The following TRHR variants were observed in gnomAD, a reference collection of about 807,000 sequenced individuals.
TRHR encodes thyrotropin releasing hormone receptor.
In TRHR, 14 loss-of-function variants were observed where a neutral mutation model predicts 28.0. The ratio of observed to expected loss-of-function variants is 0.50; its 90% CI spans 0.33 to 0.78. TRHR has a LOEUF of 0.78. TRHR is among the 30% of genes least tolerant of loss of function. TRHR has a pLI of 0.02. For synonymous variants in TRHR, 176 were observed against 171.9 expected, an observed-to-expected ratio of 1.02 and a Z score of -0.18; for missense variants, 438 against 469.5, an observed-to-expected ratio of 0.93 and a Z score of 0.62.
intron 2 of TRHR, among the ~76,000 whole-genome samples, chr8:109,103,807 A>G (rs996946820): frequency 6.6e-6 from 1 of 152,156 alleles, no homozygotes; most frequent in African/African-American, 2.4e-5. Context: ...TCAATCGGGA[A>G]AGGTTATTAA....
chr8:109,105,367 G>T (rs1811734312), intron 2 of TRHR, among the ~76,000 whole-genome samples: 1 of 152,088 alleles, frequency 6.6e-6, no homozygotes, highest in African/African-American at 2.4e-5. Context: ...GGCTATATCT[G>T]CCCAAGAAAA....
At chr8:109,104,694 C>A (rs1439506484) in intron 2 of TRHR, among the ~76,000 whole-genome samples, 2 of 152,076 alleles carry the variant, frequency 1.3e-5, no homozygotes, top group Admixed American at 6.6e-5. Context: ...AAAGATGAGG[C>A]AACATTGCAG....
intron 2 of TRHR, among the ~76,000 whole-genome samples, chr8:109,099,982 A>C (rs565749246): frequency 4.1e-4 from 63 of 152,262 alleles, no homozygotes; most frequent in Admixed American, 9.8e-4. Flanking sequence ...CACAATTGTG[A>C]GAGTGAGAGA....
chr8:109,109,395 C>G (rs1811795754), intron 2 of TRHR, among the ~76,000 whole-genome samples: 1 of 151,626 alleles, frequency 6.6e-6, no homozygotes, highest in Non-Finnish European at 1.5e-5. Flanking sequence ...CAGTCTTATC[C>G]TCTCTAAAAT....
At chr8:109,105,505 C>G (rs1191944920) in intron 2 of TRHR, among the ~76,000 whole-genome samples, 3 of 152,068 alleles carry the variant, frequency 2.0e-5, no homozygotes, top group Non-Finnish European at 4.4e-5. Context: ...CAGCAATGAA[C>G]AAATATGACA....
At chr8:109,094,961 C>T (rs1459721675) in intron 2 of TRHR, among the ~76,000 whole-genome samples, 1 of 151,466 alleles carries the variant, frequency 6.6e-6, no homozygotes, top group Admixed American at 6.6e-5. Context: ...AAGTTCCAGA[C>T]AGATGAAGTC....
intron 2 of TRHR, among the ~76,000 whole-genome samples, chr8:109,092,418 ATT>A (rs1171457925): frequency 1.3e-5 from 2 of 150,232 alleles, no homozygotes; most frequent in African/African-American, 2.4e-5. Context: ...TTATTTATTT[ATT>A]TATTTTTATT....
chr8:109,107,954 A>G (rs1221209866), intron 2 of TRHR, among the ~76,000 whole-genome samples: 2 of 152,186 alleles, frequency 1.3e-5, no homozygotes, highest in East Asian at 3.9e-4. Context: ...TCAGAAAGCT[A>G]AAATCAGTGG....
At chr8:109,116,203 C>G (rs925262119) in intron 2 of TRHR, among the ~76,000 whole-genome samples, 4 of 152,110 alleles carry the variant, frequency 2.6e-5, no homozygotes, top group African/African-American at 9.7e-5. Context: ...ATTCGGTTTG[C>G]CAGTATTTTA....
chr8:109,088,269 T>A lies in TRHR; in HGVS notation c.757T>A (p.Cys253Ser). The A allele has an allele frequency of 6.2e-7, 1 of 1,613,988 alleles. No homozygotes were observed. Among genetic ancestry groups the A allele is most frequent in the Non-Finnish European group, 8.5e-7 (1 of 1,180,014 alleles). The change falls in exon 2 of 3, where the codon TGT becomes AGT. Residue 253 changes from cysteine to serine, a missense_variant. By Grantham distance (112) the Cys-to-Ser change is moderately radical (BLOSUM62 -1). Coordinates refer to ENST00000518632, the MANE Select transcript of TRHR (RefSeq NM_003301.7). ...TCTGAATGTAAATACCTCTAATAGATGTTTCAACAGCACAGTATCTTCAAG... is the reference window on the plus strand; with the variant it reads ...TCTGAATGTAAATACCTCTAATAGAAGTTTCAACAGCACAGTATCTTCAAG... ...TNLNVNTSNR[C>S]FNSTVSSRKQ...
At chr8:109,089,173 G>A (rs1312034597) in intron 2 of TRHR, among the ~76,000 whole-genome samples, 1 of 151,768 alleles carries the variant, frequency 6.6e-6, no homozygotes. Flanking sequence ...AATTGTTCTA[G>A]GTTACTGACA....
At chr8:109,114,421 A>G (rs1007633479) in intron 2 of TRHR, among the ~76,000 whole-genome samples, 8 of 152,052 alleles carry the variant, frequency 5.3e-5, no homozygotes, top group African/African-American at 1.7e-4. Flanking sequence ...TCAGAACTCA[A>G]TATGCCTGTA....
intron 2 of TRHR, among the ~76,000 whole-genome samples, chr8:109,115,699 A>T (rs1219771740): frequency 2.0e-5 from 3 of 152,068 alleles, no homozygotes; most frequent in Non-Finnish European, 1.5e-5. Flanking sequence ...GCTTCAGGAG[A>T]TTTTGGGCTG....
rs563608032 is a variant in TRHR at position 109,114,828 on chromosome 8, A to G, written c.790-4220A>G. Among the ~76,000 whole-genome samples the G allele has an allele frequency of 2.0e-5, 3 of 152,126 alleles. No individual in the cohort carries two copies. In the East Asian group the frequency reaches 5.8e-4, roughly 30 times the overall value. ...TCTGTATTAGCAGTTGTCATATTGTATTATAATTGTTCATCAGATTTAAGG... is the reference window on the plus strand; with the variant it reads ...TCTGTATTAGCAGTTGTCATATTGTGTTATAATTGTTCATCAGATTTAAGG... On this transcript the variant is annotated intron_variant, in intron 2 of 2. Coordinates refer to ENST00000518632, the MANE Select transcript of TRHR (RefSeq NM_003301.7).
chr8:109,108,337 C>T (rs945416626), intron 2 of TRHR, among the ~76,000 whole-genome samples: 1 of 152,178 alleles, frequency 6.6e-6, no homozygotes, highest in South Asian at 2.1e-4. Context: ...GGGTAAGCAG[C>T]TGAGGAATCA....
intron 2 of TRHR, among the ~76,000 whole-genome samples, chr8:109,116,212 T>C (rs1187101663): frequency 6.6e-6 from 1 of 152,208 alleles, no homozygotes; most frequent in Non-Finnish European, 1.5e-5. Flanking sequence ...GCCAGTATTT[T>C]ATTGAGGACT....
chr8:109,115,174 ATC>A (rs1171541080), intron 2 of TRHR, among the ~76,000 whole-genome samples: 3 of 152,016 alleles, frequency 2.0e-5, no homozygotes, highest in African/African-American at 7.2e-5. Context: ...ATTGATCTAT[ATC>A]TCTGTTTTGG....
chr8:109,107,218 CA>C (rs1811765063), intron 2 of TRHR, among the ~76,000 whole-genome samples: 2 of 152,126 alleles, frequency 1.3e-5, no homozygotes, highest in South Asian at 4.1e-4. Context: ...TCAAAGGCTT[CA>C]TCTGTCATTT....
intron 2 of TRHR, among the ~76,000 whole-genome samples, chr8:109,097,178 C>G (rs545430982): frequency 6.6e-6 from 1 of 152,254 alleles, no homozygotes; most frequent in Admixed American, 6.5e-5. Flanking sequence ...AATAAAAGAG[C>G]TACCTTGGAC....
Sources: allele counts gnomAD v4.1 joint callset (sites outside exome capture counted in the v4.1 genomes callset), GRCh38; gene constraint gnomAD v4.1.1; transcripts MANE v1.5; gene names NCBI Gene and HGNC (gene_info 2026-07-23, HGNC 2026-07-21).